DNAH12: variants seen among roughly 807,000 people sequenced by gnomAD.
DNAH12 encodes axonemal beta dynein heavy chain 12.
Under a neutral mutation model 371.5 loss-of-function variants are expected in DNAH12, and 285 were observed. The observed-to-expected ratio is 0.77, with a 90% CI of 0.70 to 0.85. DNAH12 has a LOEUF of 0.85. Ranked by LOEUF, DNAH12 falls within the 40% of genes least tolerant of loss-of-function variation. The pLI, the probability that DNAH12 is intolerant of heterozygous loss-of-function variation, is 0.00. For missense variants in DNAH12, 3,611 were observed against 3,689.4 expected (o/e 0.98, Z 0.55); for synonymous variants, 1,200 against 1,213.0 (o/e 0.99, Z 0.22).
At chr3:57,428,189 A>T in intron 34 of DNAH12, 1 of 388,860 alleles carries the variant, frequency 2.6e-6, no homozygotes, top group Non-Finnish European at 4.6e-6. Context: ...TCAGCTTCCC[A>T]CAGTGTGCTG....
intron 42 of DNAH12, 59 bp from the exon 43 acceptor site, chr3:57,403,560 C>G: frequency 7.0e-7 from 1 of 1,419,740 alleles, no homozygotes; most frequent in Non-Finnish European, 9.5e-7. Flanking sequence ...TGTATAGTTA[C>G]ATGTAACTAT....
intron 8 of DNAH12, 105 bp downstream of exon 8, chr3:57,507,533 ATATTT>A (rs2067806876): frequency 1.3e-6 from 1 of 770,068 alleles, no homozygotes; most frequent in Admixed American, 3.9e-5. Flanking sequence ...TACAGTAGAA[ATATTT>A]TATTTCAAAA....
rs899037933 is a variant in DNAH12, at chr3:57,405,105, T to C, written c.6619A>G (p.Met2207Val). The change falls in exon 42 of 74, where the codon ATG becomes GTG. Residue 2207 changes from methionine (M) to valine (V), a missense_variant. Around this residue, in one of 3 missense-constraint regions of DNAH12, gnomAD observed 2,266 missense variants for 2,236.9 expected, o/e 1.01. Coordinates refer to ENST00000495027, the MANE Select transcript of DNAH12 (RefSeq NM_001366028.2). ...TCATCTCCTTCAAGGTCAGGATTCA[T>C]ATAATCACCAAACATGAGATTTCTT... ...DLRNLMFGDY[M>V]NPDLEGDDRV... 63 of 1,540,828 alleles carry C rather than the reference T, an allele frequency of 4.1e-5. No homozygotes were observed. Among genetic ancestry groups the C allele is most frequent in the Non-Finnish European group, 5.3e-5 (61 of 1,144,094 alleles).
At chr3:57,444,846 G>T in intron 28 of DNAH12, 30 bp from the exon 29 acceptor site, 1 of 1,528,230 alleles carries the variant, frequency 6.5e-7, no homozygotes, top group Non-Finnish European at 8.8e-7. Flanking sequence ...ACAATGTTAA[G>T]TTAGTTGCCA....
At chr3:57,396,067 T>C (rs2063730474) in intron 43 of DNAH12, among the ~76,000 whole-genome samples, 3 of 151,518 alleles carry the variant, frequency 2.0e-5, no homozygotes, top group South Asian at 2.1e-4. Context: ...TCACCTGAGG[T>C]TGGGAGTTCG....
intron 2 of DNAH12, among the ~76,000 whole-genome samples, chr3:57,532,422 G>A (rs2068882610): frequency 6.6e-6 from 1 of 152,126 alleles, no homozygotes; most frequent in Non-Finnish European, 1.5e-5. Flanking sequence ...TCTGGGCACT[G>A]AAGAGTTAAG....
chr3:57,298,189 A>G (rs1353620412), intron 70 of DNAH12, among the ~76,000 whole-genome samples: 1 of 152,204 alleles, frequency 6.6e-6, no homozygotes, highest in African/African-American at 2.4e-5. Flanking sequence ...AACTCCACCT[A>G]GCCATGCAGG....
chr3:57,388,338 G>A (rs1276018737), intron 45 of DNAH12, among the ~76,000 whole-genome samples: 1 of 152,032 alleles, frequency 6.6e-6, no homozygotes, highest in Admixed American at 6.6e-5. Flanking sequence ...ACCAATACAT[G>A]GCATATCATT....
intron 2 of DNAH12, among the ~76,000 whole-genome samples, chr3:57,528,751 C>T (rs187687940): frequency 6.6e-6 from 1 of 150,866 alleles, no homozygotes; most frequent in East Asian, 2.0e-4. Context: ...AATATTAATT[C>T]TGCCAATAAA....
At chr3:57,503,676 T>TG (rs1355232191) in intron 9 of DNAH12, among the ~76,000 whole-genome samples, 1 of 152,148 alleles carries the variant, frequency 6.6e-6, no homozygotes, top group Admixed American at 6.6e-5. Flanking sequence ...CGTGAGGCAC[T>TG]GCGCCCGGCT....
intron 13 of DNAH12, among the ~76,000 whole-genome samples, chr3:57,477,415 G>A (rs546194693): frequency 6.4e-4 from 98 of 152,262 alleles, no homozygotes; most frequent in African/African-American, 2.1e-3. Flanking sequence ...CTAGGTAAAC[G>A]AAGTGGCCGG....
intron 32 of DNAH12, among the ~76,000 whole-genome samples, chr3:57,433,001 C>T (rs781010915): frequency 1.1e-4 from 16 of 152,022 alleles, no homozygotes; most frequent in Non-Finnish European, 1.5e-4. Flanking sequence ...TGTATATAAA[C>T]GCTGAAGCAT....
chr3:57,443,547 GTTATT>G (rs1559664331), intron 29 of DNAH12, among the ~76,000 whole-genome samples: 1 of 151,844 alleles, frequency 6.6e-6, no homozygotes, highest in Non-Finnish European at 1.5e-5. Flanking sequence ...TCTTATTTTT[GTTATT>G]TTAAATTTTT....
intron 11 of DNAH12, among the ~76,000 whole-genome samples, chr3:57,494,185 T>G (rs1426046718): frequency 6.6e-6 from 1 of 152,024 alleles, no homozygotes; most frequent in Non-Finnish European, 1.5e-5. Context: ...GTGAGCAGGA[T>G]TCTACCATTG....
intron 29 of DNAH12, among the ~76,000 whole-genome samples, chr3:57,441,128 C>T (rs1282978233): frequency 6.6e-6 from 1 of 151,944 alleles, no homozygotes. Context: ...CTTGACAATA[C>T]ATTTACAAAG....
chr3:57,519,954 G>T, intron 4 of DNAH12: 1 of 862,198 alleles, frequency 1.2e-6, no homozygotes, highest in Non-Finnish European at 2.0e-6. Flanking sequence ...TGGAGCCTGC[G>T]CTCCTGGAGT....
At chr3:57,401,851 A>G (rs2153351607) in intron 43 of DNAH12, among the ~76,000 whole-genome samples, 1 of 152,308 alleles carries the variant, frequency 6.6e-6, no homozygotes, top group South Asian at 2.1e-4. Flanking sequence ...GAATTATAGG[A>G]GAATGATATG....
intron 40 of DNAH12, among the ~76,000 whole-genome samples, chr3:57,406,898 A>C (rs1413272828): frequency 6.6e-6 from 1 of 152,008 alleles, no homozygotes; most frequent in African/African-American, 2.4e-5. Context: ...GGAAAACAAA[A>C]AAACTTTTTT....
chr3:57,428,879 T>C (rs776712935), intron 33 of DNAH12, 58 bp from the exon 34 acceptor site: 4 of 1,429,102 alleles, frequency 2.8e-6, no homozygotes, highest in Non-Finnish European at 3.7e-6. Flanking sequence ...CACCTGGCAA[T>C]TATCAACTAT....
Sources: gnomAD v4.1 joint callset for allele counts (sites outside exome capture counted in the v4.1 genomes callset) on GRCh38, gnomAD v4.1.1 for gene constraint, gnomAD v4.1.1 regional missense constraint, MANE v1.5 for transcripts, NCBI Gene and HGNC (gene_info 2026-07-23, HGNC 2026-07-21) for gene names.